The following COP1 variants were observed in gnomAD, a reference collection of about 807,000 sequenced individuals.
The protein encoded by COP1 is E3 ubiquitin-protein ligase COP1.
In COP1, 24 loss-of-function variants were observed where a neutral mutation model predicts 101.3. The ratio of observed to expected loss-of-function variants is 0.24; its 90% CI spans 0.17 to 0.33. The LOEUF is 0.33. Among genes scored for constraint, COP1 ranks in the 10% least tolerant of loss-of-function variants. COP1 has a pLI of 1.00. For missense variants in COP1, 663 were observed against 906.2 expected (o/e 0.73, Z 3.45); for synonymous variants, 347 against 341.9 (o/e 1.01, Z -0.17).
intron 8 of COP1, among the ~76,000 whole-genome samples, chr1:176,134,607 T>C (rs1458704491): frequency 6.6e-6 from 1 of 152,034 alleles, no homozygotes; most frequent in Non-Finnish European, 1.5e-5. Flanking sequence ...GGAAAAGTGA[T>C]CTGTCCAATA....
chr1:176,057,428 C>A (rs1340363432), intron 11 of COP1, among the ~76,000 whole-genome samples: 1 of 152,204 alleles, frequency 6.6e-6, no homozygotes, highest in East Asian at 1.9e-4. Flanking sequence ...TCACTGCAAC[C>A]CCCCTGCCTG....
At chr1:176,205,878 A>G (rs1245814805) in intron 1 of COP1, among the ~76,000 whole-genome samples, 1 of 152,224 alleles carries the variant, frequency 6.6e-6, no homozygotes, top group Non-Finnish European at 1.5e-5. Context: ...CAGGGATGTT[A>G]TTTAACAAAC....
intron 15 of COP1, among the ~76,000 whole-genome samples, chr1:176,004,768 G>C (rs893450477): frequency 2.0e-5 from 3 of 150,016 alleles, no homozygotes; most frequent in African/African-American, 7.3e-5. Flanking sequence ...ATTTTATTGA[G>C]GATTTTTGCA....
chr1:176,122,227 T>G (rs1687259800), intron 8 of COP1, among the ~76,000 whole-genome samples: 1 of 151,916 alleles, frequency 6.6e-6, no homozygotes, highest in Non-Finnish European at 1.5e-5. Context: ...TTTTGCAACC[T>G]ATTTAAAGGT....
chr1:176,065,286 A>G (rs1235676443), intron 11 of COP1, among the ~76,000 whole-genome samples: 1 of 152,208 alleles, frequency 6.6e-6, no homozygotes, highest in Non-Finnish European at 1.5e-5. Context: ...AGGGGAAAAA[A>G]ACTGAAATAG....
At chr1:176,011,383 A>G (rs1664635588) in intron 15 of COP1, among the ~76,000 whole-genome samples, 2 of 152,226 alleles carry the variant, frequency 1.3e-5, no homozygotes, top group Admixed American at 1.3e-4. Flanking sequence ...TGTATGGTGT[A>G]GTAAGTAGAA....
intron 6 of COP1, among the ~76,000 whole-genome samples, chr1:176,137,726 C>G (rs750430496): frequency 1.3e-5 from 2 of 152,096 alleles, no homozygotes; most frequent in East Asian, 1.9e-4. Flanking sequence ...TTATTATTAA[C>G]TCATTTCTTT....
chr1:176,082,080 T>C (rs1469254508), intron 10 of COP1, among the ~76,000 whole-genome samples: 1 of 152,136 alleles, frequency 6.6e-6, no homozygotes, highest in African/African-American at 2.4e-5. Flanking sequence ...ACGAATCTAT[T>C]CTCCAGTCTA....
chr1:176,078,887 A>G (rs1460820824), intron 11 of COP1, among the ~76,000 whole-genome samples: 1 of 152,220 alleles, frequency 6.6e-6, no homozygotes, highest in African/African-American at 2.4e-5. Context: ...AGCATATGAA[A>G]AAACACTCAG....
At chr1:176,028,874 C>T (rs1291339374) in intron 14 of COP1, among the ~76,000 whole-genome samples, 4 of 151,398 alleles carry the variant, frequency 2.6e-5, no homozygotes, top group Non-Finnish European at 5.9e-5. Context: ...TCTCCCCACT[C>T]AGCCTCCCGG....
At chr1:175,945,628 C>T (rs746407292) in intron 19 of COP1, among the ~76,000 whole-genome samples, 4 of 152,154 alleles carry the variant, frequency 2.6e-5, no homozygotes, top group Non-Finnish European at 4.4e-5. Context: ...CCATTTCTAG[C>T]CAATCATCTA....
intron 1 of COP1, among the ~76,000 whole-genome samples, chr1:176,195,834 T>C (rs1390764465): frequency 6.6e-6 from 1 of 152,102 alleles, no homozygotes; most frequent in African/African-American, 2.4e-5. Flanking sequence ...AGCTACACAC[T>C]GGGTACACAC....
intron 14 of COP1, among the ~76,000 whole-genome samples, chr1:176,039,066 A>G (rs1670071978): frequency 6.6e-6 from 1 of 152,164 alleles, no homozygotes; most frequent in Admixed American, 6.5e-5. Context: ...GACACACCAC[A>G]TTCTGGGGCC....
At chr1:176,126,288 T>C (rs1042399581) in intron 8 of COP1, among the ~76,000 whole-genome samples, 1 of 152,214 alleles carries the variant, frequency 6.6e-6, no homozygotes, top group Non-Finnish European at 1.5e-5. Flanking sequence ...GGCATCCTTG[T>C]TGAGTTCCAG....
At chr1:176,084,622 C>A (rs978509276) in intron 10 of COP1, among the ~76,000 whole-genome samples, 52 of 152,158 alleles carry the variant, frequency 3.4e-4, no homozygotes, top group African/African-American at 1.2e-3. Context: ...GCTTTCCCAG[C>A]ATAAAAACTG....
chr1:176,113,574 T>C (rs896644143), intron 9 of COP1, among the ~76,000 whole-genome samples: 2 of 152,114 alleles, frequency 1.3e-5, no homozygotes, highest in African/African-American at 4.8e-5. Context: ...AAATGGTAAC[T>C]GTGGAAACCT....
At chr1:175,986,168 C>T (rs950085364) in intron 18 of COP1, among the ~76,000 whole-genome samples, 26 of 151,976 alleles carry the variant, frequency 1.7e-4, no homozygotes, top group African/African-American at 5.3e-4. Context: ...TACAGTCACC[C>T]GCCACCACGC....
chr1:176,123,082 T>C (rs1178182177), intron 8 of COP1, among the ~76,000 whole-genome samples: 2 of 152,202 alleles, frequency 1.3e-5, no homozygotes, highest in East Asian at 1.9e-4. Flanking sequence ...TTGGAGTAGA[T>C]TACAATTTAT....
At chr1:175,954,033 A>C (rs1387020862) in intron 18 of COP1, among the ~76,000 whole-genome samples, 1 of 152,218 alleles carries the variant, frequency 6.6e-6, no homozygotes, top group Non-Finnish European at 1.5e-5. Flanking sequence ...GTCCCCAACA[A>C]AGATGTGTCA....
Sources: gnomAD v4.1 joint callset for allele counts (sites outside exome capture counted in the v4.1 genomes callset) on GRCh38, gnomAD v4.1.1 for gene constraint, MANE v1.5 for transcripts, NCBI Gene and HGNC (gene_info 2026-07-23, HGNC 2026-07-21) for gene names.